GPC5: variants seen among roughly 807,000 people sequenced by gnomAD.
GPC5 encodes glypican-5.
A neutral mutation model predicts 53.9 loss-of-function variants in GPC5; 47 were observed. The ratio of observed to expected loss-of-function variants is 0.87; its 90% CI spans 0.69 to 1.11. GPC5 has a LOEUF of 1.11. GPC5 is among the 50% of genes most tolerant of loss of function. The pLI, the probability that GPC5 is intolerant of heterozygous loss-of-function variation, is 0.00. For synonymous variants in GPC5, 286 were observed against 263.3 expected (o/e 1.09, Z -0.84); for missense variants, 748 against 713.1 (o/e 1.05, Z -0.56).
intron 7 of GPC5, among the ~76,000 whole-genome samples, chr13:92,549,171 G>T (rs770732493): frequency 2.4e-4 from 37 of 151,950 alleles, no homozygotes; most frequent in Admixed American, 1.2e-3. Context: ...TACTGAATAA[G>T]GTCCATTCTG....
At chr13:91,927,910 C>A (rs1191169502) in intron 6 of GPC5, among the ~76,000 whole-genome samples, 1 of 152,084 alleles carries the variant, frequency 6.6e-6, no homozygotes, top group East Asian at 1.9e-4. Context: ...TAAAAAGATT[C>A]TTCAAAGGGC....
intron 7 of GPC5, among the ~76,000 whole-genome samples, chr13:92,617,621 A>AT (rs1484877992): frequency 1.3e-5 from 2 of 151,978 alleles, no homozygotes; most frequent in Admixed American, 6.5e-5. Context: ...TGTATTTATG[A>AT]TTTTTTTCTC....
intron 5 of GPC5, among the ~76,000 whole-genome samples, chr13:91,813,616 T>TG (rs1754390147): frequency 6.6e-6 from 1 of 151,712 alleles, no homozygotes; most frequent in Non-Finnish European, 1.5e-5. Context: ...AAATCAGGAG[T>TG]GGGGGTTAGG....
At chr13:91,405,797 G>T (rs1877280495) in intron 1 of GPC5, among the ~76,000 whole-genome samples, 1 of 152,072 alleles carries the variant, frequency 6.6e-6, no homozygotes, top group Non-Finnish European at 1.5e-5. Context: ...TTCAGACAGG[G>T]TCTCACTCTG....
At chr13:91,510,375 T>A (rs1326282627) in intron 2 of GPC5, among the ~76,000 whole-genome samples, 1 of 152,196 alleles carries the variant, frequency 6.6e-6, no homozygotes, top group Non-Finnish European at 1.5e-5. Flanking sequence ...GTTATGTGAT[T>A]TGCCCCAAGA....
intron 2 of GPC5, among the ~76,000 whole-genome samples, chr13:91,672,935 A>T (rs111505388): frequency 0.024 from 3,672 of 152,286 alleles, 157 homozygotes; most frequent in African/African-American, 0.083. Context: ...ATTTGCAGGG[A>T]CACGGATGAA....
At chr13:91,763,293 A>T (rs1338093831) in intron 5 of GPC5, among the ~76,000 whole-genome samples, 1 of 152,116 alleles carries the variant, frequency 6.6e-6, no homozygotes, top group African/African-American at 2.4e-5. Flanking sequence ...CAACTTTAAG[A>T]CCATGTACAT....
chr13:91,504,314 A>G (rs2139307560), intron 2 of GPC5, among the ~76,000 whole-genome samples: 1 of 152,248 alleles, frequency 6.6e-6, no homozygotes, highest in South Asian at 2.1e-4. Flanking sequence ...TCTCTGAAAT[A>G]CCAAAAGAAT....
chr13:92,014,182 C>T (rs2138780149), intron 6 of GPC5, among the ~76,000 whole-genome samples: 1 of 152,242 alleles, frequency 6.6e-6, no homozygotes, highest in Middle Eastern at 3.4e-3. Context: ...TTATGGAGTG[C>T]TCATTATGCA....
At chr13:92,407,327 C>T (rs1353847317) in intron 7 of GPC5, among the ~76,000 whole-genome samples, 2 of 152,082 alleles carry the variant, frequency 1.3e-5, no homozygotes, top group Admixed American at 1.3e-4. Flanking sequence ...AAAGGAAAAG[C>T]CAACAAAGTT....
intron 3 of GPC5, among the ~76,000 whole-genome samples, chr13:91,715,729 A>C (rs1041164213): frequency 2.6e-5 from 4 of 151,390 alleles, no homozygotes; most frequent in African/African-American, 4.9e-5. Context: ...TTTTTTGTTC[A>C]TAAATTATCT....
At chr13:91,996,997 T>G (rs980346189) in intron 6 of GPC5, among the ~76,000 whole-genome samples, 1 of 152,036 alleles carries the variant, frequency 6.6e-6, no homozygotes, top group Non-Finnish European at 1.5e-5. Context: ...AATTATAATA[T>G]ATCCCATCTA....
At chr13:92,160,351 A>G (rs544331563) in intron 7 of GPC5, among the ~76,000 whole-genome samples, 1 of 152,224 alleles carries the variant, frequency 6.6e-6, no homozygotes. Flanking sequence ...AAACCAAAAC[A>G]TAATTATCTG....
intron 6 of GPC5, among the ~76,000 whole-genome samples, chr13:92,135,113 T>C (rs1376327303): frequency 6.6e-6 from 1 of 152,144 alleles, no homozygotes; most frequent in East Asian, 1.9e-4. Context: ...TCCTTGTTTT[T>C]TTCCCTTACT....
At chr13:91,781,437 T>G (rs1481163022) in intron 5 of GPC5, among the ~76,000 whole-genome samples, 5 of 152,204 alleles carry the variant, frequency 3.3e-5, no homozygotes, top group African/African-American at 1.2e-4. Context: ...AACCTTTTAT[T>G]TATAAGGTAT....
chr13:91,441,768 G>C (rs1880451287), intron 1 of GPC5, among the ~76,000 whole-genome samples: 1 of 152,138 alleles, frequency 6.6e-6, no homozygotes, highest in Non-Finnish European at 1.5e-5. Context: ...TCAGTTCTTG[G>C]ATGTATACAA....
intron 7 of GPC5, among the ~76,000 whole-genome samples, chr13:92,517,126 G>A (rs1880821594): frequency 6.6e-6 from 1 of 152,114 alleles, no homozygotes; most frequent in Admixed American, 6.6e-5. Context: ...CAGTGAGGCT[G>A]GGGGAGGGGC....
At chr13:92,193,506 A>G (rs971151322) in intron 7 of GPC5, among the ~76,000 whole-genome samples, 4 of 152,220 alleles carry the variant, frequency 2.6e-5, no homozygotes, top group Admixed American at 2.6e-4. Context: ...AGAGAATCCT[A>G]TATTGGATAA....
intron 7 of GPC5, among the ~76,000 whole-genome samples, chr13:92,678,074 C>A (rs1261462472): frequency 6.6e-6 from 1 of 152,198 alleles, no homozygotes; most frequent in East Asian, 1.9e-4. Context: ...TAAGAGTTTT[C>A]CCCTCGAAAA....
Sources: allele counts gnomAD v4.1 joint callset (sites outside exome capture counted in the v4.1 genomes callset), GRCh38; gene constraint gnomAD v4.1.1; transcripts MANE v1.5; gene names NCBI Gene and HGNC (gene_info 2026-07-23, HGNC 2026-07-21).